Variants in JKAMP observed in about 807,000 individuals in gnomAD.
The protein encoded by JKAMP is JNK1/MAPK8-associated membrane protein.
A neutral mutation model predicts 40.2 loss-of-function variants in JKAMP; 20 were observed. The observed-to-expected ratio is 0.50, with a 90% CI of 0.35 to 0.72. The LOEUF is 0.72. Among genes scored for constraint, JKAMP ranks in the 30% least tolerant of loss-of-function variants. The probability of loss-of-function intolerance (pLI) is 0.01; values close to 1 mark genes in which losing one functional copy is unlikely to be tolerated. For synonymous variants in JKAMP, 138 were observed against 131.6 expected, an observed-to-expected ratio of 1.05 and a Z score of -0.33; for missense variants, 276 against 373.0, an observed-to-expected ratio of 0.74 and a Z score of 2.14.
chr14:59,492,230 A>C (rs1891071254), intron 3 of JKAMP, among the ~76,000 whole-genome samples: 1 of 152,098 alleles, frequency 6.6e-6, no homozygotes, highest in Non-Finnish European at 1.5e-5. Flanking sequence ...ACTTTTAGAA[A>C]TGAAAGTTTA....
At chr14:59,494,414 A>C (rs770707213) in intron 3 of JKAMP, among the ~76,000 whole-genome samples, 5 of 152,224 alleles carry the variant, frequency 3.3e-5, no homozygotes, top group Admixed American at 1.3e-4. Context: ...AACATGGATG[A>C]AACTTGGAAA....
Position 59,501,176 on chromosome 14 carries a change from A to G in JKAMP, c.641-15A>G, listed in dbSNP as rs373620930. 58 of 1,503,988 alleles carry G rather than the reference A, an allele frequency of 3.9e-5. No individual in the cohort carries two copies. The East Asian group carries it at 7.8e-4, about 20-fold the overall frequency. 93.2% of individuals were successfully genotyped at this position (1,503,988 alleles called of 1,614,324 possible). ...TTGTTTCATTTCCAACATAATACCA[A>G]TGCTTATCTTTCAGATTACGCCTTC... is the stretch of plus-strand genomic sequence containing the variant. On this transcript the variant is annotated splice_polypyrimidine_tract_variant and intron_variant, in intron 5 of 6. Transcript: ENST00000616435.
chr14:59,501,242 T>C lies in JKAMP; in HGVS notation c.692T>C (p.Val231Ala). The C allele has an allele frequency of 6.2e-7, 1 of 1,602,954 alleles. No individual in the cohort carries two copies. Among genetic ancestry groups the C allele is most frequent in the Admixed American group, 1.7e-5 (1 of 59,604 alleles). ...GTGTTATCTTTGGTTACTCTGGCTG[T>C]GTACATGTCTGCTTCTGAAATAGAG... Reference protein sequence around the residue: ...ILVLSLVTLAVYMSASEIENC... With the variant: ...ILVLSLVTLAAYMSASEIENC... Residue 231 changes from valine (V) to alanine (A), a missense_variant, in exon 6 of 7, where the codon GTG becomes GCG. Physicochemically the swap from Val to Ala is moderately conservative, Grantham distance 64. Coordinates refer to ENST00000616435, the MANE Select transcript of JKAMP (RefSeq NM_016475.5).
At chr14:59,502,755 T>TGGTTTTTTTTCTTTGTTTTTG (rs67189643) in intron 6 of JKAMP, among the ~76,000 whole-genome samples, 20 of 122,954 alleles carry the variant, frequency 1.6e-4, no homozygotes, top group East Asian at 1.5e-3. Context: ...ATGAGATTTT[T>TGGTTTTTTTTCTTTGTTTTTG]TTTTTTTTTT....
At position 59,505,047 on chromosome 14, in the gene JKAMP, T is replaced by TAACA. The variant is rs1892248256; in HGVS notation, c.*977_*980dup. On this transcript the variant is annotated 3_prime_UTR_variant, in exon 7 of 7. Coordinates refer to ENST00000616435, the MANE Select transcript of JKAMP (RefSeq NM_016475.5). ...AAAATGAAATTTTTAGCTCTTAACC[T>TAACA]AACAACCTGACCATGTTTATCCATT... 1 of 396,456 alleles carries TAACA rather than the reference T, an allele frequency of 2.5e-6. No homozygotes were observed. The highest frequency in any genetic ancestry group is 4.5e-6 in the Non-Finnish European group (1 of 221,144). The allele number at this position is 396,456 out of a possible 1,614,324, so 24.6% of individuals were successfully genotyped here. A position where few individuals can be genotyped will look rare whatever the true frequency, so the allele number is the denominator to read the frequency against.
At chr14:59,503,282 A>T (rs1444804932) in intron 6 of JKAMP, among the ~76,000 whole-genome samples, 1 of 152,170 alleles carries the variant, frequency 6.6e-6, no homozygotes, top group African/African-American at 2.4e-5. Context: ...TTACGTTTTA[A>T]TGTGTTTATT....
rs1231470075 is a variant in JKAMP at position 59,504,089 on chromosome 14, T to C, written c.*17T>C. ...GGACACTGAGTGTAGACATGTGAAA[T>C]GCCAAAAACCTGAGAAGTGCTCCTA... is the stretch of plus-strand genomic sequence containing the variant. On this transcript the variant is annotated 3_prime_UTR_variant, in exon 7 of 7. Transcript: ENST00000616435. 1 of 1,519,984 alleles carries C rather than the reference T, an allele frequency of 6.6e-7. No homozygotes were observed. Among genetic ancestry groups the C allele is most frequent in the African/African-American group, 1.4e-5 (1 of 72,870 alleles). 94.2% of individuals were successfully genotyped at this position (1,519,984 alleles called of 1,614,324 possible). A position where few individuals can be genotyped will look rare whatever the true frequency, so the allele number is the denominator to read the frequency against.
chr14:59,501,402 C>T (rs1457703953), intron 6 of JKAMP, 135 bp downstream of exon 6: 18 of 594,818 alleles, frequency 3.0e-5, no homozygotes, highest in Non-Finnish European at 4.6e-5. Flanking sequence ...CACTTGGTAG[C>T]TTTTGGCTTG....
intron 6 of JKAMP, among the ~76,000 whole-genome samples, chr14:59,502,307 A>G (rs961951562): frequency 3.3e-5 from 5 of 152,208 alleles, no homozygotes; most frequent in African/African-American, 4.8e-5. Context: ...AAAGTGTCTC[A>G]GTACTCTTCC....
chr14:59,494,089 G>A (rs1047550501), intron 3 of JKAMP, among the ~76,000 whole-genome samples: 1 of 150,168 alleles, frequency 6.7e-6, no homozygotes, highest in Non-Finnish European at 1.5e-5. Flanking sequence ...AATGTGAAAA[G>A]CAAAACCTTA....
chr14:59,496,644 T>C (rs1426456046), intron 4 of JKAMP, among the ~76,000 whole-genome samples: 1 of 152,204 alleles, frequency 6.6e-6, no homozygotes, highest in Admixed American at 6.5e-5. Context: ...TGTAGCACTT[T>C]TTCTGCTGAT....
chr14:59,485,740 C>A (rs1227901233), intron 1 of JKAMP: 1 of 152,546 alleles, frequency 6.6e-6, no homozygotes, highest in Non-Finnish European at 1.5e-5. Flanking sequence ...GCCTCAGCCT[C>A]CCCAGTAGCT....
intron 3 of JKAMP, 97 bp from the exon 4 acceptor site, chr14:59,494,921 G>T: frequency 4.9e-5 from 41 of 829,368 alleles, no homozygotes; most frequent in East Asian, 1.9e-4. Context: ...TTTTCTTATA[G>T]ATTTAGAAAT....
chr14:59,500,246 G>A (rs1352102120), intron 5 of JKAMP, among the ~76,000 whole-genome samples: 1 of 152,102 alleles, frequency 6.6e-6, no homozygotes, highest in South Asian at 2.1e-4. Context: ...TAGTAAGTTG[G>A]AATCAGGCCT....
chr14:59,496,215 C>T (rs908348845), intron 4 of JKAMP, among the ~76,000 whole-genome samples: 25 of 151,906 alleles, frequency 1.6e-4, no homozygotes, highest in African/African-American at 6.0e-4. Context: ...CTCTCCCTGC[C>T]AGTTCTTAGG....
At chr14:59,502,079 T>C (rs1891923159) in intron 6 of JKAMP, among the ~76,000 whole-genome samples, 1 of 152,212 alleles carries the variant, frequency 6.6e-6, no homozygotes, top group Non-Finnish European at 1.5e-5. Context: ...GGGAAAAATG[T>C]ATTCATTAAA....
intron 5 of JKAMP, 24 bp from the exon 6 acceptor site, chr14:59,501,167 A>G: frequency 7.0e-7 from 1 of 1,423,466 alleles, no homozygotes; most frequent in Non-Finnish European, 9.8e-7. Context: ...CATTTCCAAC[A>G]TAATACCAAT....
At chr14:59,488,420 G>C (rs532873512) in intron 3 of JKAMP, among the ~76,000 whole-genome samples, 53 of 152,052 alleles carry the variant, frequency 3.5e-4, no homozygotes, top group Non-Finnish European at 6.8e-4. Context: ...GAGTTACAAA[G>C]AACAGAGAGA....
At chr14:59,494,914 T>C (rs1026633206) in intron 3 of JKAMP, 104 bp from the exon 4 acceptor site, 4 of 800,196 alleles carry the variant, frequency 5.0e-6, no homozygotes, top group African/African-American at 3.5e-5. Context: ...TTTTGACTTT[T>C]CTTATAGATT....
Sources: gnomAD v4.1 joint callset for allele counts (sites outside exome capture counted in the v4.1 genomes callset) on GRCh38, gnomAD v4.1.1 for gene constraint, MANE v1.5 for transcripts, NCBI Gene and HGNC (gene_info 2026-07-23, HGNC 2026-07-21) for gene names.